Variants in SMOC2 observed in about 807,000 individuals in gnomAD.
The protein encoded by SMOC2 is SPARC-related modular calcium-binding protein 2.
Under a neutral mutation model 61.4 loss-of-function variants are expected in SMOC2, and 39 were observed. The observed-to-expected ratio is 0.64, with a 90% confidence interval of 0.49 to 0.83. SMOC2 has a LOEUF of 0.83. Ranked by LOEUF, SMOC2 falls within the 40% of genes least tolerant of loss-of-function variation. The pLI, the probability that SMOC2 is intolerant of heterozygous loss-of-function variation, is 0.00. For synonymous variants in SMOC2, 247 were observed against 239.9 expected (o/e 1.03, Z -0.27); for missense variants, 556 against 592.9 (o/e 0.94, Z 0.65).
intron 8 of SMOC2, among the ~76,000 whole-genome samples, chr6:168,603,242 C>CTTTT (rs35236951): frequency 4.2e-5 from 4 of 96,362 alleles, no homozygotes; most frequent in African/African-American, 1.1e-4. Context: ...TCAATTAAAC[C>CTTTT]TTTTTTTTTT....
chr6:168,631,211 T>C (rs1020328836), intron 9 of SMOC2, among the ~76,000 whole-genome samples: 5 of 152,190 alleles, frequency 3.3e-5, no homozygotes, highest in Non-Finnish European at 7.3e-5. Context: ...TTCTCTCTTT[T>C]GTACTCTGTC....
chr6:168,555,833 C>T (rs977599410), intron 7 of SMOC2, among the ~76,000 whole-genome samples: 2 of 152,130 alleles, frequency 1.3e-5, no homozygotes, highest in African/African-American at 4.8e-5. Flanking sequence ...TTTCTGTTGA[C>T]CCCTCTCGGC....
intron 1 of SMOC2, among the ~76,000 whole-genome samples, chr6:168,458,470 C>T (rs1781643015): frequency 6.6e-6 from 1 of 152,204 alleles, no homozygotes; most frequent in Non-Finnish European, 1.5e-5. Flanking sequence ...GGGTTTGGAC[C>T]AGCTTCTGAG....
In SMOC2 at chr6:168,453,704, A is replaced by G. The variant is rs946784671; in HGVS notation, c.84+12250A>G. Among the ~76,000 whole-genome samples the G allele has an allele frequency of 6.2e-5, 9 of 146,120 alleles. No homozygotes were observed. Among genetic ancestry groups the G allele is most frequent in the African/African-American group, 2.0e-4 (8 of 39,088 alleles). ...TCTGTCTCTCTAATTCTGTCTATTG[A>G]TCTCTGCCATTCTACATACTACATC... is the stretch of plus-strand genomic sequence containing the variant. On this transcript the variant is annotated intron_variant, in intron 1 of 12. Transcript: ENST00000356284. This position sits in a 1 kb window ranked among gnomAD's most constrained non-coding sequence, Gnocchi z 4.4.
chr6:168,615,124 T>C (rs142956190), intron 9 of SMOC2, among the ~76,000 whole-genome samples: 1,424 of 16,900 alleles, frequency 0.084, 82 homozygotes, highest in Middle Eastern at 0.12. Context: ...GGGGCCTCTT[T>C]ACATCTACAG....
chr6:168,598,793 C>T (rs1785394853), intron 7 of SMOC2, 25 bp from the exon 8 acceptor site: 1 of 1,612,584 alleles, frequency 6.2e-7, no homozygotes, highest in South Asian at 1.1e-5. Context: ...ATCCTGCTCA[C>T]CTTTTGCCTT....
At chr6:168,516,544 C>T (rs1783138511) in intron 2 of SMOC2, among the ~76,000 whole-genome samples, 2 of 152,164 alleles carry the variant, frequency 1.3e-5, no homozygotes, top group African/African-American at 4.8e-5. Context: ...CTTCACCTGT[C>T]GCTCTGTGCA....
chr6:168,627,226 C>T (rs1346044117), intron 9 of SMOC2, among the ~76,000 whole-genome samples: 1 of 152,226 alleles, frequency 6.6e-6, no homozygotes, highest in Non-Finnish European at 1.5e-5. Flanking sequence ...AGTCTGCTGA[C>T]TGCAGGGTTA....
At chr6:168,442,789 A>G (rs1781246781) in intron 1 of SMOC2, among the ~76,000 whole-genome samples, 1 of 152,034 alleles carries the variant, frequency 6.6e-6, no homozygotes, top group South Asian at 2.1e-4. Flanking sequence ...CATTGCTCAT[A>G]CCTCAAATTC....
intron 2 of SMOC2, among the ~76,000 whole-genome samples, chr6:168,517,881 G>C (rs904565604): frequency 6.6e-6 from 1 of 152,224 alleles, no homozygotes; most frequent in African/African-American, 2.4e-5. Context: ...CCGATGCCCA[G>C]CCCAGCTCCA....
chr6:168,457,605 G>T (rs947244995), intron 1 of SMOC2, among the ~76,000 whole-genome samples: 53 of 152,328 alleles, frequency 3.5e-4, no homozygotes, highest in African/African-American at 1.2e-3. Context: ...TTCCAGCCGT[G>T]CTTGTGATCA....
intron 7 of SMOC2, among the ~76,000 whole-genome samples, chr6:168,554,345 CCTA>C (rs759393200): frequency 5.6e-4 from 85 of 152,234 alleles, no homozygotes; most frequent in Non-Finnish European, 9.3e-4. Context: ...CTTGGGGTGT[CCTA>C]CTACTATTAT....
intron 1 of SMOC2, among the ~76,000 whole-genome samples, chr6:168,471,300 T>C (rs966264677): frequency 1.3e-5 from 2 of 152,234 alleles, no homozygotes; most frequent in South Asian, 2.1e-4. Context: ...TCTTTATTAA[T>C]TCTGCTCTAA....
Position 168,589,508 on chromosome 6 carries a change from A to G in SMOC2, c.638-9310A>G, listed in dbSNP as rs534659982. 1.7e-3 allele frequency among the ~76,000 whole-genome samples: 262 copies of G among 152,376 alleles called. 1 individual carries two copies. The highest frequency in any genetic ancestry group is 6.1e-3 in the African/African-American group (253 of 41,600). On this transcript the variant is annotated intron_variant, in intron 7 of 12. Transcript: ENST00000356284. ...GGGAGGCCTCCAGGCCAGTGCACAT[A>G]TAGCTCAGGGAAACATGGAAAAGCT...
At position 168,542,122 on chromosome 6, in the gene SMOC2, C is replaced by T. The variant is rs890364136; in HGVS notation, c.464-1503C>T. The stretch of plus-strand genomic sequence containing the variant: ...CGTCAAAAGTAGAAAATACTTTTTG[C>T]CTCTTTCGGGAACACATGATAAAAA... On this transcript the variant is annotated intron_variant, in intron 4 of 12. Coordinates refer to ENST00000356284, the MANE Select transcript of SMOC2 (RefSeq NM_001166412.2). Among the ~76,000 whole-genome samples the T allele has an allele frequency of 6.6e-5, 10 of 152,052 alleles. No homozygotes were observed. In the East Asian group the frequency reaches 1.7e-3, roughly 26 times the overall value.
intron 1 of SMOC2, among the ~76,000 whole-genome samples, chr6:168,494,639 T>C (rs1166591528): frequency 1.3e-5 from 2 of 152,254 alleles, no homozygotes; most frequent in Non-Finnish European, 2.9e-5. Context: ...AGAGTGCCAC[T>C]GATTTCCTGG....
Position 168,619,398 on chromosome 6 carries a change from A to C in SMOC2, c.907+11159A>C, listed in dbSNP as rs572457663. ...CAATATTTCAGAGACAATTTAAATA[A>C]CTTGAGAACAAACTGGTCTCCAACA... On this transcript the variant is annotated intron_variant, in intron 9 of 12. Transcript: ENST00000356284. 2.0e-5 allele frequency among the ~76,000 whole-genome samples: 3 copies of C among 152,344 alleles called. No homozygotes were observed. In the South Asian group the frequency reaches 6.2e-4, roughly 32 times the overall value.
rs1245530569 is a variant in SMOC2, at chr6:168,510,067, A to G, written c.237A>G (p.Ala79=). 1.2e-6 allele frequency: 2 copies of G among 1,614,130 alleles called. No homozygotes were observed. The highest frequency in any genetic ancestry group is 1.7e-4 in the Middle Eastern group (1 of 6,058). ...AKCKDPQLEI[A]YRGNCKDVSR... is the part of the protein sequence containing the mutation. The stretch of plus-strand genomic sequence containing the variant: ...GCAAAGATCCCCAGCTAGAGATTGC[A>G]TATCGAGGAAACTGCAAAGGTAAGC... Residue 79 remains alanine (A), a synonymous_variant, in exon 2 of 13, where the codon GCA becomes GCG. Transcript: ENST00000356284.
chr6:168,458,360 T>C (rs1052597573), intron 1 of SMOC2, among the ~76,000 whole-genome samples: 40 of 150,202 alleles, frequency 2.7e-4, no homozygotes, highest in African/African-American at 1.0e-3. Context: ...AGGGAGACGG[T>C]CTCACCCTGC....
Sources: gnomAD v4.1 joint callset for allele counts (sites outside exome capture counted in the v4.1 genomes callset) on GRCh38, gnomAD v4.1.1 for gene constraint, Gnocchi (gnomAD v3.1) non-coding constraint, MANE v1.5 for transcripts, NCBI Gene and HGNC (gene_info 2026-07-23, HGNC 2026-07-21) for gene names.